Variants in STIM1 observed in about 807,000 individuals in gnomAD.
STIM1 encodes the protein stromal interaction molecule 1.
A neutral mutation model predicts 74.7 loss-of-function variants in STIM1; 25 were observed. That is an observed-to-expected ratio of 0.33 (90% CI 0.24 to 0.47). The LOEUF is 0.47. STIM1 is among the 20% of genes least tolerant of loss of function. The pLI is 1.00. For synonymous variants in STIM1, 328 were observed against 348.8 expected (o/e 0.94, Z 0.66); for missense variants, 728 against 920.8 (o/e 0.79, Z 2.71).
At chr11:4,071,255 A>C (rs774524606) in intron 6 of STIM1, among the ~76,000 whole-genome samples, 1 of 152,176 alleles carries the variant, frequency 6.6e-6, no homozygotes. Context: ...CTTTTAGAAA[A>C]TGATTCTGGA....
At chr11:4,007,405 A>G (rs1321761806) in intron 2 of STIM1, among the ~76,000 whole-genome samples, 1 of 152,178 alleles carries the variant, frequency 6.6e-6, no homozygotes, top group East Asian at 1.9e-4. Context: ...TATTAGCTGG[A>G]TGTGGGACAG....
At chr11:3,936,398 G>A (rs1266960020) in intron 1 of STIM1, among the ~76,000 whole-genome samples, 4 of 152,184 alleles carry the variant, frequency 2.6e-5, no homozygotes, top group Non-Finnish European at 5.9e-5. Context: ...GGGAGCAAGA[G>A]GCCCAGAGAT....
chr11:3,899,970 A>T (rs1442513131), intron 1 of STIM1, among the ~76,000 whole-genome samples: 1 of 152,018 alleles, frequency 6.6e-6, no homozygotes, highest in Non-Finnish European at 1.5e-5. Context: ...ATATTGGTCT[A>T]AAATTCTCTT....
chr11:3,889,334 C>T (rs1451233712), intron 1 of STIM1, among the ~76,000 whole-genome samples: 1 of 151,374 alleles, frequency 6.6e-6, no homozygotes. Context: ...TACTATGTGC[C>T]AAGTACTGTG....
chr11:3,893,436 G>A (rs928125688), intron 1 of STIM1, among the ~76,000 whole-genome samples: 1 of 152,160 alleles, frequency 6.6e-6, no homozygotes, highest in African/African-American at 2.4e-5. Flanking sequence ...TGCTCATGCC[G>A]ATTAGTTCTT....
chr11:3,902,757 T>C (rs949804376), intron 1 of STIM1, among the ~76,000 whole-genome samples: 1 of 152,170 alleles, frequency 6.6e-6, no homozygotes, highest in Non-Finnish European at 1.5e-5. Flanking sequence ...GTACTGCTCT[T>C]AGGCATGACA....
Position 3,895,853 on chromosome 11 carries a change from T to TTCTCTC in STIM1, c.139+39454_139+39459dup, listed in dbSNP as rs1247465630. On this transcript the variant is annotated intron_variant, in intron 1 of 12. Coordinates refer to ENST00000526596, the MANE Select transcript of STIM1 (RefSeq NM_001382567.1). ...TCTTTCTTTCTTTCTCTTTCTTTCT[T>TTCTCTC]TCTCTCTCTCTCTCTTTCTTTTCTT... Among the ~76,000 whole-genome samples, 139 of 113,228 alleles carry TTCTCTC rather than the reference T, an allele frequency of 1.2e-3. 7 individuals carry two copies. Among genetic ancestry groups the TTCTCTC allele is most frequent in the East Asian group, 1.2e-3 (5 of 4,158 alleles). 74.3% of individuals were successfully genotyped at this position (113,228 alleles called of 152,430 possible). A position where few individuals can be genotyped will look rare whatever the true frequency, so the allele number is the denominator to read the frequency against.
At chr11:4,038,221 G>A (rs1385568828) in intron 3 of STIM1, among the ~76,000 whole-genome samples, 1 of 151,982 alleles carries the variant, frequency 6.6e-6, no homozygotes. Flanking sequence ...TTTTAATAGA[G>A]ATGGGGTTTT....
intron 2 of STIM1, among the ~76,000 whole-genome samples, chr11:4,012,127 C>A (rs936548299): frequency 1.3e-5 from 2 of 152,158 alleles, no homozygotes; most frequent in African/African-American, 4.8e-5. Flanking sequence ...GTTACTGTAG[C>A]CTTGTAGCAT....
chr11:3,889,627 T>C (rs2091837347), intron 1 of STIM1, among the ~76,000 whole-genome samples: 2 of 152,202 alleles, frequency 1.3e-5, no homozygotes, highest in African/African-American at 4.8e-5. Flanking sequence ...GTTATTGATA[T>C]CTTTGAGATG....
chr11:3,986,987 T>C (rs1237655964), intron 2 of STIM1, among the ~76,000 whole-genome samples: 1 of 152,210 alleles, frequency 6.6e-6, no homozygotes, highest in Non-Finnish European at 1.5e-5. Flanking sequence ...GCATGCCCTC[T>C]TTTATCTAGC....
intron 7 of STIM1, among the ~76,000 whole-genome samples, chr11:4,081,819 A>C (rs1590696573): frequency 6.6e-6 from 1 of 152,222 alleles, no homozygotes; most frequent in Non-Finnish European, 1.5e-5. Context: ...CTTGAAGTCT[A>C]AGCACAGACC....
At chr11:3,970,314 G>A (rs1256731897) in intron 2 of STIM1, among the ~76,000 whole-genome samples, 1 of 152,094 alleles carries the variant, frequency 6.6e-6, no homozygotes, top group Non-Finnish European at 1.5e-5. Context: ...GCCTCACATG[G>A]TTAGAGAGGC....
At chr11:4,052,902 C>T (rs1487372738) in intron 3 of STIM1, among the ~76,000 whole-genome samples, 3 of 152,086 alleles carry the variant, frequency 2.0e-5, no homozygotes, top group East Asian at 1.9e-4. Flanking sequence ...GAAAAAACCC[C>T]ATCAAAAAGT....
chr11:3,864,385 C>T (rs2090763738), intron 1 of STIM1, among the ~76,000 whole-genome samples: 1 of 152,180 alleles, frequency 6.6e-6, no homozygotes, highest in Non-Finnish European at 1.5e-5. Context: ...CTCAGAGTCT[C>T]TCATGAGATG....
At chr11:3,983,710 G>A (rs997081292) in intron 2 of STIM1, among the ~76,000 whole-genome samples, 3 of 152,128 alleles carry the variant, frequency 2.0e-5, no homozygotes, top group Non-Finnish European at 4.4e-5. Flanking sequence ...ATCACTCCCA[G>A]AGGCCATACC....
intron 3 of STIM1, among the ~76,000 whole-genome samples, chr11:4,047,475 G>T (rs2094202154): frequency 6.6e-6 from 1 of 152,124 alleles, no homozygotes; most frequent in South Asian, 2.1e-4. Flanking sequence ...AATTAACTGG[G>T]TGTGGCGGCA....
intron 1 of STIM1, among the ~76,000 whole-genome samples, chr11:3,905,008 A>G (rs10835272): frequency 0.26 from 39,371 of 151,988 alleles, 7,192 homozygotes; most frequent in East Asian, 0.52. Context: ...AGCAGAGAGG[A>G]ACTCTGATAT....
At position 4,023,910 on chromosome 11, in the gene STIM1, T is replaced by G; in HGVS notation, c.308T>G (p.Val103Gly). ...GACCTCAATTACCATGACCCAACAGTGAAACACAGCACCTTCCATGGTGAG... is the reference window on the plus strand; with the variant it reads ...GACCTCAATTACCATGACCCAACAGGGAAACACAGCACCTTCCATGGTGAG... ...REDLNYHDPT[V>G]KHSTFHGEDK... The change falls in exon 3 of 13, where the codon GTG becomes GGG. Residue 103 changes from valine to glycine, a missense_variant. Val to Gly is a moderately radical substitution (Grantham distance 109). Around this residue, in one of 5 missense-constraint regions of STIM1, gnomAD observed 51 missense variants for 101.1 expected, o/e 0.50. Coordinates refer to ENST00000526596, the MANE Select transcript of STIM1 (RefSeq NM_001382567.1). 6.2e-7 allele frequency: 1 copy of G among 1,613,906 alleles called. No individual in the cohort carries two copies. The highest frequency in any genetic ancestry group is 8.5e-7 in the Non-Finnish European group (1 of 1,179,918).
Sources: allele counts gnomAD v4.1 joint callset (sites outside exome capture counted in the v4.1 genomes callset), GRCh38; gene constraint gnomAD v4.1.1; regional missense constraint gnomAD v4.1.1; transcripts MANE v1.5; gene names NCBI Gene and HGNC (gene_info 2026-07-23, HGNC 2026-07-21).